Variants in NETO2 observed in about 807,000 individuals in gnomAD.
NETO2 encodes the protein neuropilin and tolloid like 2.
In NETO2, 28 loss-of-function variants were observed where a neutral mutation model predicts 62.5. The ratio of observed to expected loss-of-function variants is 0.45; its 90% CI spans 0.33 to 0.61. The LOEUF (loss-of-function observed/expected upper bound fraction) is 0.61, where lower values mean the gene tolerates loss of function less well. NETO2 is among the 20% of genes least tolerant of loss of function. The pLI is 0.02. For missense variants in NETO2, 548 were observed against 643.2 expected (o/e 0.85, Z 1.60); for synonymous variants, 214 against 219.1 (o/e 0.98, Z 0.21).
At chr16:47,140,748 A>C (rs1964445669) in intron 1 of NETO2, among the ~76,000 whole-genome samples, 1 of 152,248 alleles carries the variant, frequency 6.6e-6, no homozygotes, top group Non-Finnish European at 1.5e-5. Flanking sequence ...ACTAGTTTAT[A>C]GTCCTGGGTG....
chr16:47,109,484 C>CT lies in NETO2; in HGVS notation c.881dup (p.Pro295AlafsTer12), dbSNP rs1165230582. 1 of 1,608,672 alleles carries CT rather than the reference C, an allele frequency of 6.2e-7. No individual in the cohort carries two copies. Among genetic ancestry groups the CT allele is most frequent in the Non-Finnish European group, 8.5e-7 (1 of 1,175,414 alleles). On this transcript the variant is annotated frameshift_variant and splice_region_variant, in exon 7 of 9. Transcript: ENST00000562435. LOFTEE classifies it high-confidence loss of function. ...ATACTATAGGAATTATTTACTTACG[C>CT]TCCACAAAGGAAGTAAAGAGCATTC...
chr16:47,118,272 G>T (rs575048091), intron 6 of NETO2, among the ~76,000 whole-genome samples: 1 of 152,230 alleles, frequency 6.6e-6, no homozygotes, highest in Non-Finnish European at 1.5e-5. Flanking sequence ...ACACACTCAG[G>T]GACTCAGAGG....
intron 1 of NETO2, 148 bp downstream of exon 1, chr16:47,143,431 G>A (rs139415485): frequency 0.049 from 49,005 of 995,492 alleles, 1,852 homozygotes; most frequent in African/African-American, 0.18. Context: ...CGCGCCCCGC[G>A]GTCCGCTCCG....
Position 47,078,195 on chromosome 16 carries a change from G to A in NETO2, c.*5026C>T, listed in dbSNP as rs1270275720. ...TCATAACTAGGATTATTGTATTTTGGAAGCTAGTGGATAGGAAATGCCAAC... is the reference window on the plus strand; with the variant it reads ...TCATAACTAGGATTATTGTATTTTGAAAGCTAGTGGATAGGAAATGCCAAC... On this transcript the variant is annotated 3_prime_UTR_variant, in exon 9 of 9. Transcript: ENST00000562435. The A allele has an allele frequency of 6.6e-6, 1 of 152,180 alleles. No individual in the cohort carries two copies. The highest frequency in any genetic ancestry group is 1.5e-5 in the Non-Finnish European group (1 of 68,044). 9.4% of individuals were successfully genotyped at this position (152,180 alleles called of 1,614,324 possible). A position where few individuals can be genotyped will look rare whatever the true frequency, so the allele number is the denominator to read the frequency against.
At chr16:47,143,431 G>T in intron 1 of NETO2, 148 bp downstream of exon 1, 1 of 995,850 alleles carries the variant, frequency 1.0e-6, no homozygotes, top group South Asian at 5.1e-5. Flanking sequence ...CGCGCCCCGC[G>T]GTCCGCTCCG....
intron 2 of NETO2, among the ~76,000 whole-genome samples, chr16:47,131,631 T>C (rs892499085): frequency 9.2e-5 from 14 of 152,354 alleles, no homozygotes; most frequent in Middle Eastern, 3.4e-3. Flanking sequence ...AAGATATTAA[T>C]TGAAGTGTTT....
chr16:47,092,511 C>A (rs1291876604), intron 7 of NETO2, among the ~76,000 whole-genome samples: 1 of 152,078 alleles, frequency 6.6e-6, no homozygotes, highest in Non-Finnish European at 1.5e-5. Context: ...TCGGTTTAGA[C>A]GGGCCATGTT....
chr16:47,107,341 T>A (rs547648527), intron 7 of NETO2, among the ~76,000 whole-genome samples: 2 of 152,048 alleles, frequency 1.3e-5, no homozygotes, highest in African/African-American at 4.8e-5. Context: ...CACCATGATG[T>A]TGGGGGGGTG....
Position 47,083,177 on chromosome 16 carries a change from C to T in NETO2, c.*44G>A. Reference sequence around the variant, plus strand: ...AAACAGTATGGTGCCCTGGAGGCTGCGTACGTACACACCCTAAGAATTCAC... The same window carrying T: ...AAACAGTATGGTGCCCTGGAGGCTGTGTACGTACACACCCTAAGAATTCAC... On this transcript the variant is annotated 3_prime_UTR_variant, in exon 9 of 9. Coordinates refer to ENST00000562435, the MANE Select transcript of NETO2 (RefSeq NM_018092.5). 5.3e-6 allele frequency: 8 copies of T among 1,513,774 alleles called. No individual in the cohort carries two copies. Among genetic ancestry groups the T allele is most frequent in the South Asian group, 2.5e-5 (2 of 79,266 alleles). 93.8% of individuals were successfully genotyped at this position (1,513,774 alleles called of 1,614,324 possible).
At chr16:47,117,874 C>T (rs1963953709) in intron 6 of NETO2, among the ~76,000 whole-genome samples, 1 of 151,972 alleles carries the variant, frequency 6.6e-6, no homozygotes, top group Admixed American at 6.6e-5. Flanking sequence ...ATCACTTGAG[C>T]TCAGGAGTTT....
At chr16:47,088,626 A>AT (rs578199069) in intron 7 of NETO2, among the ~76,000 whole-genome samples, 2 of 152,110 alleles carry the variant, frequency 1.3e-5, no homozygotes, top group East Asian at 1.9e-4. Context: ...GACTAATGAG[A>AT]TTTTTTTCTA....
intron 3 of NETO2, 56 bp from the exon 4 acceptor site, chr16:47,128,629 T>C (rs1964204819): frequency 8.3e-6 from 13 of 1,559,824 alleles, no homozygotes; most frequent in Non-Finnish European, 1.1e-5. Flanking sequence ...AATATAAATG[T>C]ATTGACACAA....
chr16:47,124,016 C>T (rs532850614), intron 4 of NETO2, among the ~76,000 whole-genome samples: 24 of 152,294 alleles, frequency 1.6e-4, no homozygotes, highest in Admixed American at 9.2e-4. Context: ...TATTTCAATA[C>T]GCAATTTAAT....
intron 7 of NETO2, among the ~76,000 whole-genome samples, chr16:47,089,237 TG>T (rs766782277): frequency 2.0e-5 from 3 of 152,256 alleles, no homozygotes; most frequent in Non-Finnish European, 2.9e-5. Flanking sequence ...CTGACATGAC[TG>T]AAGAGTCCAC....
chr16:47,098,724 C>T (rs373559261), intron 7 of NETO2, among the ~76,000 whole-genome samples: 3 of 152,074 alleles, frequency 2.0e-5, no homozygotes, highest in East Asian at 1.9e-4. Flanking sequence ...GACACATAAT[C>T]GTCAGATTCA....
intron 7 of NETO2, among the ~76,000 whole-genome samples, chr16:47,096,178 T>G (rs1333861970): frequency 6.6e-6 from 1 of 151,960 alleles, no homozygotes; most frequent in African/African-American, 2.4e-5. Context: ...AAAAGGGAAA[T>G]TTACACCTGT....
At chr16:47,112,676 C>A (rs1410438959) in intron 6 of NETO2, among the ~76,000 whole-genome samples, 1 of 152,150 alleles carries the variant, frequency 6.6e-6, no homozygotes, top group East Asian at 1.9e-4. Flanking sequence ...CACATTTAAA[C>A]ATTCAAATTT....
chr16:47,135,924 G>A (rs1454510445), intron 1 of NETO2, among the ~76,000 whole-genome samples: 2 of 152,018 alleles, frequency 1.3e-5, no homozygotes, highest in African/African-American at 4.8e-5. Flanking sequence ...CACCTATTAA[G>A]GGAAGAAAGT....
Position 47,109,581 on chromosome 16 carries a change from T to C in NETO2, c.785A>G (p.Asp262Gly). 1 of 1,614,144 alleles carries C rather than the reference T, an allele frequency of 6.2e-7. No individual in the cohort carries two copies. The highest frequency in any genetic ancestry group is 8.5e-7 in the Non-Finnish European group (1 of 1,180,010). The stretch of plus-strand genomic sequence containing the variant: ...TCCAATTCCTGTTTTAAGCATTACA[T>C]CATTGGCCACAGTGCTGCAAAACTT... ...KAKFCSTVAN[D>G]VMLKTGIGVI... is the part of the protein sequence containing the mutation. The change falls in exon 7 of 9, where the codon GAT becomes GGT. Residue 262 changes from aspartate (D) to glycine (G), a missense_variant. By Grantham distance (94) the Asp-to-Gly change is moderately conservative (BLOSUM62 -1). Coordinates refer to ENST00000562435, the MANE Select transcript of NETO2 (RefSeq NM_018092.5).
Sources: allele counts gnomAD v4.1 joint callset (sites outside exome capture counted in the v4.1 genomes callset), GRCh38; gene constraint gnomAD v4.1.1; transcripts MANE v1.5; gene names NCBI Gene and HGNC (gene_info 2026-07-23, HGNC 2026-07-21).